The following IL22RA2 variants were observed in gnomAD, a reference collection of about 807,000 sequenced individuals.
The protein encoded by IL22RA2 is interleukin-22 receptor subunit alpha-2.
A neutral mutation model predicts 30.7 loss-of-function variants in IL22RA2; 39 were observed. The observed-to-expected ratio is 1.27, with a 90% CI of 0.98 to 1.66. The LOEUF (loss-of-function observed/expected upper bound fraction) is 1.66. Ranked by LOEUF, IL22RA2 falls within the 40% of genes most tolerant of loss-of-function variation. The pLI, the probability that IL22RA2 is intolerant of heterozygous loss-of-function variation, is 0.00. For synonymous variants in IL22RA2, 103 were observed against 105.0 expected, an observed-to-expected ratio of 0.98 and a Z score of 0.11; for missense variants, 315 against 312.7, an observed-to-expected ratio of 1.01 and a Z score of -0.05.
rs924171385 is a variant in IL22RA2, at chr6:137,163,910, C to T, written c.-65-2096G>A. The stretch of plus-strand genomic sequence containing the variant: ...TTAGCGTGGACTGTGTGCTCCCAGG[C>T]GAGTGTGGGAAAAACCAGACCTAGG... On this transcript the variant is annotated intron_variant, in intron 1 of 6. Transcript: ENST00000296980. Among the ~76,000 whole-genome samples the T allele has an allele frequency of 3.3e-5, 5 of 152,140 alleles. No homozygotes were observed. The East Asian group carries it at 7.7e-4, about 24-fold the overall frequency.
rs769400549 is a variant in IL22RA2, at chr6:137,154,992, C to T, written c.421G>A (p.Gly141Arg). 8 of 1,613,976 alleles carry T rather than the reference C, an allele frequency of 5.0e-6. No homozygotes were observed. The highest frequency in any genetic ancestry group is 1.3e-5 in the African/African-American group (1 of 74,912). ...GTCATGCTCCATTCTGAGTAGCTCCCAGCCGAGGCCGCCCTCACCCTCCCG... is the reference window on the plus strand; with the variant it reads ...GTCATGCTCCATTCTGAGTAGCTCCTAGCCGAGGCCGCCCTCACCCTCCCG... ...YYGRVRAASA[G>R]SYSEWSMTPR... The change falls in exon 5 of 7, where the codon GGG becomes AGG. Residue 141 changes from glycine (G) to arginine (R), a missense_variant. Physicochemically the swap from Gly to Arg is moderately radical, Grantham distance 125 (BLOSUM62 -2). Coordinates refer to ENST00000296980, the MANE Select transcript of IL22RA2 (RefSeq NM_052962.3).
intron 1 of IL22RA2, among the ~76,000 whole-genome samples, chr6:137,170,592 G>A (rs1435600328): frequency 1.3e-5 from 2 of 152,152 alleles, no homozygotes; most frequent in African/African-American, 4.8e-5. Flanking sequence ...GCCTCACGTA[G>A]TTCCCACCTT....
At position 137,158,483 on chromosome 6, in the gene IL22RA2, C is replaced by T. The variant is rs1476161980; in HGVS notation, c.62-1G>A. On this transcript the variant is annotated splice_acceptor_variant, in intron 2 of 6. Transcript: ENST00000296980. LOFTEE classifies it high-confidence loss of function. ...AGAGACTCATGCGTTGACTGAGTTCCTAAGATAATAAGAGAAGGAAGAACA... is the reference window on the plus strand; with the variant it reads ...AGAGACTCATGCGTTGACTGAGTTCTTAAGATAATAAGAGAAGGAAGAACA... 6.2e-7 allele frequency: 1 copy of T among 1,613,974 alleles called. No homozygotes were observed. Among genetic ancestry groups the T allele is most frequent in the East Asian group, 2.2e-5 (1 of 44,862 alleles).
rs781598607 is a variant in IL22RA2, at chr6:137,147,812, T to C, written c.552A>G (p.Pro184=). The change falls in exon 6 of 7, where the codon CCA becomes CCG. Residue 184 remains proline, a synonymous_variant. Coordinates refer to ENST00000296980, the MANE Select transcript of IL22RA2 (RefSeq NM_052962.3). ...LLVILHAPNL[P]YRYQKEKNVS... Reference sequence around the variant, plus strand: ...CATTTTTTTCCTTTTGGTATCTATATGGTAAATTTGGAGCATGGAGAATTA... The same window carrying C: ...CATTTTTTTCCTTTTGGTATCTATACGGTAAATTTGGAGCATGGAGAATTA... 1 of 1,613,478 alleles carries C rather than the reference T, an allele frequency of 6.2e-7. No individual in the cohort carries two copies. The highest frequency in any genetic ancestry group is 8.5e-7 in the Non-Finnish European group (1 of 1,179,458).
At chr6:137,164,361 A>C (rs1250576355) in intron 1 of IL22RA2, among the ~76,000 whole-genome samples, 1 of 152,220 alleles carries the variant, frequency 6.6e-6, no homozygotes, top group Non-Finnish European at 1.5e-5. Context: ...CTCCTGGCTA[A>C]GTATAATTCA....
chr6:137,148,257 T>C lies in IL22RA2; in HGVS notation c.473-366A>G, dbSNP rs112152425. Among the ~76,000 whole-genome samples the C allele has an allele frequency of 2.6e-3, 393 of 152,246 alleles. 1 individual carries two copies. The highest frequency in any genetic ancestry group is 8.9e-3 in the African/African-American group (369 of 41,528). ...TGTTTGGTTGGTTGGTTTTGGGTTT[T>C]TTTTTGAGACAGGATCTCATTATGT... is the stretch of plus-strand genomic sequence containing the variant. On this transcript the variant is annotated intron_variant, in intron 5 of 6. Coordinates refer to ENST00000296980, the MANE Select transcript of IL22RA2 (RefSeq NM_052962.3).
intron 1 of IL22RA2, among the ~76,000 whole-genome samples, chr6:137,169,070 C>T (rs933027147): frequency 4.6e-5 from 7 of 152,226 alleles, no homozygotes; most frequent in African/African-American, 1.7e-4. Flanking sequence ...TGCTGCAAGA[C>T]AATTTTACCT....
At chr6:137,169,327 T>C (rs756586801) in intron 1 of IL22RA2, among the ~76,000 whole-genome samples, 5 of 152,194 alleles carry the variant, frequency 3.3e-5, no homozygotes, top group Non-Finnish European at 7.3e-5. Context: ...TCAATCATGG[T>C]ACCAATTAGA....
At chr6:137,163,510 T>C (rs977667128) in intron 1 of IL22RA2, among the ~76,000 whole-genome samples, 1 of 152,104 alleles carries the variant, frequency 6.6e-6, no homozygotes, top group Non-Finnish European at 1.5e-5. Context: ...CCTTCCACGT[T>C]CTGGAGCCTT....
At chr6:137,165,306 C>T (rs1778606467) in intron 1 of IL22RA2, among the ~76,000 whole-genome samples, 1 of 152,220 alleles carries the variant, frequency 6.6e-6, no homozygotes, top group Non-Finnish European at 1.5e-5. Flanking sequence ...CCACTTGACC[C>T]AGAGGCTGCG....
At chr6:137,149,400 G>A (rs1410689641) in intron 5 of IL22RA2, among the ~76,000 whole-genome samples, 1 of 152,036 alleles carries the variant, frequency 6.6e-6, no homozygotes, top group Non-Finnish European at 1.5e-5. Context: ...CACCAAACTG[G>A]TCTTTTTCAT....
Position 137,173,544 on chromosome 6 carries a change from T to C in IL22RA2, c.-197A>G, listed in dbSNP as rs1293449067. 2 of 152,196 alleles carry C rather than the reference T, an allele frequency of 1.3e-5. No homozygotes were observed. The highest frequency in any genetic ancestry group is 2.1e-4 in the South Asian group (1 of 4,834). 9.4% of individuals were successfully genotyped at this position (152,196 alleles called of 1,614,324 possible). On this transcript the variant is annotated 5_prime_UTR_variant, in exon 1 of 7. Transcript: ENST00000296980. ...TAATCCTCTTATGAAGTCTAGGAGA[T>C]TGGTATTATTATTCATTTGATGTTA... is the stretch of plus-strand genomic sequence containing the variant.
intron 5 of IL22RA2, among the ~76,000 whole-genome samples, chr6:137,153,880 A>G (rs1428056073): frequency 6.6e-6 from 1 of 152,244 alleles, no homozygotes; most frequent in Non-Finnish European, 1.5e-5. Flanking sequence ...CTGGCTGGAA[A>G]GAAAGTGAAT....
At chr6:137,148,684 T>A (rs868115760) in intron 5 of IL22RA2, among the ~76,000 whole-genome samples, 1 of 152,212 alleles carries the variant, frequency 6.6e-6, no homozygotes, top group Non-Finnish European at 1.5e-5. Flanking sequence ...AATTTCTAAG[T>A]GTTTTAGAAG....
chr6:137,144,349 T>G lies in IL22RA2; in HGVS notation c.*1275A>C, dbSNP rs1778131527. On this transcript the variant is annotated 3_prime_UTR_variant, in exon 7 of 7. Transcript: ENST00000296980. ...GAATATTTTTTAATCCATTTATCAC[T>G]GAGTACTTGCATATAACTAGAAGCA... 1 of 152,250 alleles carries G rather than the reference T, an allele frequency of 6.6e-6. No homozygotes were observed. The highest frequency in any genetic ancestry group is 1.5e-5 in the Non-Finnish European group (1 of 68,056). 9.4% of individuals were successfully genotyped at this position (152,250 alleles called of 1,614,324 possible).
rs1207181018 is a variant in IL22RA2, at chr6:137,144,839, T to C, written c.*785A>G. ...GTCACTAAAAAAATTACATTTAATT[T>C]TGAGAATAAAGATAAGTTCTTCTAA... On this transcript the variant is annotated 3_prime_UTR_variant, in exon 7 of 7. Transcript: ENST00000296980. 1 of 152,164 alleles carries C rather than the reference T, an allele frequency of 6.6e-6. No homozygotes were observed. Among genetic ancestry groups the C allele is most frequent in the African/African-American group, 2.4e-5 (1 of 41,440 alleles). 9.4% of individuals were successfully genotyped at this position (152,164 alleles called of 1,614,324 possible).
intron 6 of IL22RA2, among the ~76,000 whole-genome samples, chr6:137,145,978 T>C (rs1271849907): frequency 6.6e-6 from 1 of 152,200 alleles, no homozygotes; most frequent in Non-Finnish European, 1.5e-5. Flanking sequence ...GCAACTTGAC[T>C]TCTCCTTGAG....
intron 6 of IL22RA2, 65 bp from the exon 7 acceptor site, chr6:137,145,838 G>T: frequency 6.4e-7 from 1 of 1,565,980 alleles, no homozygotes; most frequent in Non-Finnish European, 8.8e-7. Flanking sequence ...CTGCATTTTT[G>T]TTTAAATTAA....
intron 1 of IL22RA2, among the ~76,000 whole-genome samples, chr6:137,166,836 C>T (rs1778635366): frequency 6.6e-6 from 1 of 152,236 alleles, no homozygotes; most frequent in South Asian, 2.1e-4. Flanking sequence ...ACTGCCATCA[C>T]TCGAGCCATT....
Sources: allele counts gnomAD v4.1 joint callset (sites outside exome capture counted in the v4.1 genomes callset), GRCh38; gene constraint gnomAD v4.1.1; transcripts MANE v1.5; gene names NCBI Gene and HGNC (gene_info 2026-07-23, HGNC 2026-07-21).